Variants in ACLY observed in about 807,000 individuals in gnomAD.
ACLY encodes ATP-citrate synthase.
Under a neutral mutation model 133.0 loss-of-function variants are expected in ACLY, and 41 were observed. The observed-to-expected ratio is 0.31, with a 90% confidence interval of 0.24 to 0.40. The LOEUF is 0.40. Among genes scored for constraint, ACLY ranks in the 10% least tolerant of loss-of-function variants. The pLI, the probability that ACLY is intolerant of heterozygous loss-of-function variation, is 1.00. For synonymous variants in ACLY, 495 were observed against 549.3 expected, an observed-to-expected ratio of 0.90 and a Z score of 1.38; for missense variants, 1,046 against 1,453.8, an observed-to-expected ratio of 0.72 and a Z score of 4.56.
chr17:41,882,883 G>A (rs782595348), intron 20 of ACLY, among the ~76,000 whole-genome samples: 9 of 152,138 alleles, frequency 5.9e-5, no homozygotes, highest in Non-Finnish European at 1.2e-4. Flanking sequence ...TGCTACCTAC[G>A]CCAAGTAGGG....
At chr17:41,929,569 A>G (rs539032423) in intron 1 of ACLY, among the ~76,000 whole-genome samples, 2 of 152,314 alleles carry the variant, frequency 1.3e-5, no homozygotes. Context: ...TTTAATTACT[A>G]GTTAATATCA....
Position 41,868,744 on chromosome 17 carries a change from C to A in ACLY, c.3176G>T (p.Gly1059Val). 6.2e-7 allele frequency: 1 copy of A among 1,613,822 alleles called. No homozygotes were observed. The highest frequency in any genetic ancestry group is 8.5e-7 in the Non-Finnish European group (1 of 1,179,986). ...CATACTCCTTCCCAGCACAAAGATG[C>A]CATTGAGGGCTCCAATGTCAATATA... is the stretch of plus-strand genomic sequence containing the variant. ...DEYIDIGALN[G>V]IFVLGRSMGF... Residue 1059 changes from glycine to valine, a missense_variant, in exon 28 of 29, where the codon GGC (glycine) becomes GTC (valine). Gly to Val is a moderately radical substitution (Grantham distance 109). Transcript: ENST00000352035.
chr17:41,918,057 C>A (rs1229048880), intron 1 of ACLY, among the ~76,000 whole-genome samples: 1 of 152,248 alleles, frequency 6.6e-6, no homozygotes, highest in Non-Finnish European at 1.5e-5. Context: ...CTCGGCACTG[C>A]ACGGTATCTG....
chr17:41,892,467 G>T lies in ACLY; in HGVS notation c.1602-20C>A, dbSNP rs782613348. 2 of 1,608,380 alleles carry T rather than the reference G, an allele frequency of 1.2e-6. No individual in the cohort carries two copies. The highest frequency in any genetic ancestry group is 4.5e-5 in the East Asian group (2 of 44,738). On this transcript the variant is annotated intron_variant, in intron 15 of 28. Transcript: ENST00000352035. ...TCCCCACTGTGAGAAAGTAAAAGAA[G>T]AATTAGGATATCCTCAACCTGTCAG...
chr17:41,906,671 G>T (rs781922928), intron 7 of ACLY, 25 bp from the exon 8 acceptor site: 1 of 1,594,126 alleles, frequency 6.3e-7, no homozygotes. Context: ...GCAACAGGTA[G>T]GCCCTTGGGG....
At chr17:41,922,881 G>C (rs1384969358), upstream of ACLY, among the ~76,000 whole-genome samples, 1 of 152,214 alleles carries the variant, frequency 6.6e-6, no homozygotes, top group Non-Finnish European at 1.5e-5. Context: ...AGGTTTTCCA[G>C]TTCACTCAGT....
Position 41,869,253 on chromosome 17 carries a change from C to T in ACLY, c.3052-128G>A, listed in dbSNP as rs1555624595. On this transcript the variant is annotated intron_variant, in intron 26 of 28. Transcript: ENST00000352035. ...AAAACCTTCTACCAGCCCCACTGGTCGACACTGTGTCTGACTCAGTTCAAT... is the reference window on the plus strand; with the variant it reads ...AAAACCTTCTACCAGCCCCACTGGTTGACACTGTGTCTGACTCAGTTCAAT... 14 of 923,824 alleles carry T rather than the reference C, an allele frequency of 1.5e-5. No homozygotes were observed. In the Middle Eastern group the frequency reaches 7.2e-4, roughly 48 times the overall value. The allele number at this position is 923,824 out of a possible 1,614,324, so 57.2% of individuals were successfully genotyped here.
rs561181941 is a variant in ACLY at position 41,878,023 on chromosome 17, G to C, written c.2487+80C>G. ...GAAGGCCTGGTTTCCAAGAGTTCAA[G>C]GCAAATCAACGCGAAACCCACCACC... On this transcript the variant is annotated intron_variant, in intron 22 of 28. Coordinates refer to ENST00000352035, the MANE Select transcript of ACLY (RefSeq NM_001096.3). 36 of 992,194 alleles carry C rather than the reference G, an allele frequency of 3.6e-5. No individual in the cohort carries two copies. In the South Asian group the frequency reaches 8.8e-4, roughly 24 times the overall value. The allele number at this position is 992,194 out of a possible 1,614,324, so 61.5% of individuals were successfully genotyped here. A position where few individuals can be genotyped will look rare whatever the true frequency, so the allele number is the denominator to read the frequency against.
chr17:41,887,845 C>G, intron 16 of ACLY, 142 bp from the exon 17 acceptor site: 1 of 660,040 alleles, frequency 1.5e-6, no homozygotes, highest in Non-Finnish European at 2.7e-6. Context: ...ATATGCATAT[C>G]AGCCGGGCGC....
At chr17:41,906,838 A>G (rs548788141) in intron 7 of ACLY, among the ~76,000 whole-genome samples, 192 bp from the exon 8 acceptor site, 23 of 152,326 alleles carry the variant, frequency 1.5e-4, no homozygotes, top group Admixed American at 1.4e-3. Context: ...AAACACCCAT[A>G]GTCACAGTCA....
At chr17:41,910,369 G>T in intron 3 of ACLY, 85 bp from the exon 4 acceptor site, 1 of 1,188,812 alleles carries the variant, frequency 8.4e-7, no homozygotes, top group Non-Finnish European at 1.2e-6. Flanking sequence ...CAGGGGTGGT[G>T]CCCAAGCACT....
chr17:41,885,412 G>T (rs1317506938), intron 18 of ACLY, among the ~76,000 whole-genome samples: 8 of 152,086 alleles, frequency 5.3e-5, no homozygotes, highest in Non-Finnish European at 7.4e-5. Context: ...ACAGCTTTTG[G>T]TTTCTAAGCC....
chr17:41,871,721 G>A lies in ACLY; in HGVS notation c.2905C>T (p.Leu969=). ...FVNKMKKEGK[L]IMGIGHRVKS... The stretch of plus-strand genomic sequence containing the variant: ...ACTCGGTGACCAATGCCCATGATCA[G>A]CTTCCCTTCCTTCTTCATCTTGTTC... The change falls in exon 25 of 29, where the codon CTG becomes TTG. Residue 969 remains leucine, a synonymous_variant. Transcript: ENST00000352035. The A allele has an allele frequency of 3.7e-6, 6 of 1,614,092 alleles. No individual in the cohort carries two copies. The Middle Eastern group carries it at 9.9e-4, about 266-fold the overall frequency.
At chr17:41,927,954 T>C (rs927414075) in intron 1 of ACLY, among the ~76,000 whole-genome samples, 2 of 151,776 alleles carry the variant, frequency 1.3e-5, no homozygotes, top group East Asian at 1.9e-4. Flanking sequence ...CTGGGCAACA[T>C]GGCAAAACCC....
chr17:41,920,030 A>T (rs1310253494), upstream of ACLY, among the ~76,000 whole-genome samples: 1 of 152,196 alleles, frequency 6.6e-6, no homozygotes, highest in Non-Finnish European at 1.5e-5. Context: ...TGACCGACTC[A>T]GGTGAAGAGG....
rs149575220 is a variant in ACLY at position 41,872,618 on chromosome 17, C to T, written c.2643-436G>A. Among the ~76,000 whole-genome samples the T allele has an allele frequency of 1.7e-3, 259 of 152,288 alleles. 2 individuals carry two copies. Among genetic ancestry groups the T allele is most frequent in the Middle Eastern group, 0.01 (3 of 294 alleles). ...GGGATTACATACAGGCATGAGCCAC[C>T]GCGCCCGGCCCCAAATACTGTTTGT... On this transcript the variant is annotated intron_variant, in intron 23 of 28. Coordinates refer to ENST00000352035, the MANE Select transcript of ACLY (RefSeq NM_001096.3).
At chr17:41,920,086 C>A (rs1452706918), upstream of ACLY, among the ~76,000 whole-genome samples, 3 of 152,314 alleles carry the variant, frequency 2.0e-5, no homozygotes, top group Non-Finnish European at 2.9e-5. Flanking sequence ...CCCTGCCAAG[C>A]ACTTTGGGTC....
intron 2 of ACLY, among the ~76,000 whole-genome samples, chr17:41,913,184 GC>G (rs1479356531): frequency 6.6e-6 from 1 of 152,196 alleles, no homozygotes; most frequent in African/African-American, 2.4e-5. Context: ...CAAGAACAGA[GC>G]CCTCTATTCC....
chr17:41,906,778 G>A (rs1215480335), intron 7 of ACLY, 132 bp from the exon 8 acceptor site: 3 of 783,708 alleles, frequency 3.8e-6, no homozygotes, highest in African/African-American at 1.7e-5. Flanking sequence ...AAGGGGCTAC[G>A]CAGGGCCCCA....
Sources: gnomAD v4.1 joint callset for allele counts (sites outside exome capture counted in the v4.1 genomes callset) on GRCh38, gnomAD v4.1.1 for gene constraint, MANE v1.5 for transcripts, NCBI Gene and HGNC (gene_info 2026-07-23, HGNC 2026-07-21) for gene names.